The following ZFAT variants were observed in gnomAD, a reference collection of about 807,000 sequenced individuals.
ZFAT encodes zinc finger and AT-hook domain containing.
ZFAT carries 64 observed loss-of-function variants against 117.7 expected under a neutral mutation model. The observed-to-expected ratio is 0.54, with a 90% confidence interval of 0.44 to 0.67. ZFAT has a LOEUF of 0.67. Ranked by LOEUF, ZFAT falls within the 30% of genes least tolerant of loss-of-function variation. ZFAT has a pLI of 0.00. For synonymous variants in ZFAT, 679 were observed against 615.0 expected, an observed-to-expected ratio of 1.10 and a Z score of -1.54; for missense variants, 1,433 against 1,584.5, an observed-to-expected ratio of 0.90 and a Z score of 1.62.
chr8:134,694,142 G>A (rs368315839), intron 1 of ZFAT, among the ~76,000 whole-genome samples: 67 of 152,294 alleles, frequency 4.4e-4, no homozygotes, highest in Middle Eastern at 6.8e-3. Flanking sequence ...ACGCTGGAAC[G>A]CGGGGCGCAG....
intron 14 of ZFAT, chr8:134,510,905 A>G (rs1306805676): frequency 5.3e-5 from 8 of 152,076 alleles, no homozygotes; most frequent in Non-Finnish European, 1.2e-4. Context: ...CCATGTCAGG[A>G]GTGCAATTAG....
At chr8:134,719,284 AACTT>A in the ZFAT span, among the ~76,000 whole-genome samples, 1 of 152,348 alleles carries the variant, frequency 6.6e-6, no homozygotes, top group Non-Finnish European at 1.5e-5. Context: ...GACTTTGGAC[AACTT>A]ACTTATCTGC....
chr8:134,564,556 C>A (rs879935339), intron 11 of ZFAT, among the ~76,000 whole-genome samples: 10 of 152,232 alleles, frequency 6.6e-5, no homozygotes, highest in Non-Finnish European at 1.2e-4. Flanking sequence ...CCCTGCAGTC[C>A]CTCCCATGTT....
At chr8:134,733,952 G>T in the ZFAT span, among the ~76,000 whole-genome samples, 1 of 152,184 alleles carries the variant, frequency 6.6e-6, no homozygotes, top group Admixed American at 6.5e-5. Flanking sequence ...AAGCACAGAG[G>T]CCTAACAAAC....
the ZFAT span, among the ~76,000 whole-genome samples, chr8:134,777,018 G>A: frequency 7.9e-5 from 12 of 152,224 alleles, no homozygotes; most frequent in East Asian, 1.7e-3. Flanking sequence ...TTAAGGATGC[G>A]GTAGAAAGAG....
intron 1 of ZFAT, among the ~76,000 whole-genome samples, chr8:134,661,529 C>T (rs1831932254): frequency 6.6e-6 from 1 of 152,248 alleles, no homozygotes; most frequent in Non-Finnish European, 1.5e-5. Context: ...TTGGAAACAG[C>T]ATCTGGCTAG....
rs772484150 is a variant in ZFAT at position 134,602,882 on chromosome 8, G to C, written c.837C>G (p.Val279=). The C allele has an allele frequency of 6.2e-7, 1 of 1,613,990 alleles. No homozygotes were observed. Among genetic ancestry groups the C allele is most frequent in the Non-Finnish European group, 8.5e-7 (1 of 1,179,946 alleles). The change falls in exon 6 of 16, where the codon GTC becomes GTG. Residue 279 remains valine (V), a synonymous_variant. Coordinates refer to ENST00000377838, the MANE Select transcript of ZFAT (RefSeq NM_020863.4). The part of the protein sequence containing the change: ...KIFTCEYCNK[V]FKFKHSLQAH... ...CCTGCAGCGAGTGCTTGAACTTGAA[G>C]ACCTTGTTGCAGTATTCACAAGTGA...
At chr8:134,755,665 G>T in the ZFAT span, among the ~76,000 whole-genome samples, 2 of 150,960 alleles carry the variant, frequency 1.3e-5, no homozygotes, top group African/African-American at 2.4e-5. Flanking sequence ...TACAAAAATT[G>T]TCTGGGTGTG....
intron 11 of ZFAT, among the ~76,000 whole-genome samples, chr8:134,550,146 C>T (rs1373240806): frequency 1.3e-5 from 2 of 151,930 alleles, no homozygotes; most frequent in African/African-American, 4.8e-5. Flanking sequence ...GTCTATAATC[C>T]AAGTCTTCCT....
chr8:134,637,483 C>T lies in ZFAT; in HGVS notation c.426G>A (p.Leu142=). The part of the protein sequence containing the change: ...RKHICIIVLN[L]GEEEGEAGNE... ...TACCTGCTTCTCCTTCCTCCTCACC[C>T]AAATTCAGCACGATAATGCAGATGT... The change falls in exon 3 of 16, where the codon TTG becomes TTA. Residue 142 remains leucine (L), a synonymous_variant. Coordinates refer to ENST00000377838, the MANE Select transcript of ZFAT (RefSeq NM_020863.4). The T allele has an allele frequency of 6.2e-7, 1 of 1,610,378 alleles. No homozygotes were observed. Among genetic ancestry groups the T allele is most frequent in the African/African-American group, 1.3e-5 (1 of 74,998 alleles).
chr8:134,696,523 C>G, intron 1 of ZFAT: 1 of 978,644 alleles, frequency 1.0e-6, no homozygotes, highest in Non-Finnish European at 1.2e-6. Flanking sequence ...ACCGCCTCTC[C>G]ATCTACACCC....
intron 15 of ZFAT, among the ~76,000 whole-genome samples, chr8:134,490,242 G>A (rs78007619): frequency 0.015 from 2,359 of 152,292 alleles, 58 homozygotes; most frequent in African/African-American, 0.053. Context: ...GGGGTTTGAG[G>A]TGACACCAAG....
chr8:134,699,366 A>C (rs937301160), intron 1 of ZFAT, among the ~76,000 whole-genome samples: 1 of 152,218 alleles, frequency 6.6e-6, no homozygotes, highest in African/African-American at 2.4e-5. Flanking sequence ...GCCTGCAGGT[A>C]TAAAGACCTG....
chr8:134,588,501 C>A (rs149370251), intron 8 of ZFAT, 106 bp from the exon 9 acceptor site: 1 of 1,241,420 alleles, frequency 8.1e-7, no homozygotes, highest in South Asian at 1.7e-5. Context: ...TCAAGGTGTG[C>A]CTCATGGTGT....
chr8:134,529,142 C>A (rs901499132), intron 12 of ZFAT, among the ~76,000 whole-genome samples: 8 of 152,142 alleles, frequency 5.3e-5, no homozygotes, highest in African/African-American at 1.4e-4. Context: ...AAAATCCCGG[C>A]CCAGGTCCAT....
At chr8:134,497,990 C>T (rs1194762097) in intron 15 of ZFAT, among the ~76,000 whole-genome samples, 1 of 138,364 alleles carries the variant, frequency 7.2e-6, no homozygotes. Flanking sequence ...GATGCCCCCG[C>T]TGCTGGTTAC....
intron 2 of ZFAT, among the ~76,000 whole-genome samples, chr8:134,649,919 G>A (rs796819608): frequency 1.6e-4 from 25 of 152,104 alleles, no homozygotes; most frequent in African/African-American, 4.8e-4. Flanking sequence ...CCCCCATGCC[G>A]TTCTCGTGAT....
chr8:134,524,592 C>T (rs1404004876), intron 12 of ZFAT, among the ~76,000 whole-genome samples: 1 of 152,114 alleles, frequency 6.6e-6, no homozygotes, highest in Non-Finnish European at 1.5e-5. Context: ...CTGGGGGGTG[C>T]CCAGGGCATC....
chr8:134,591,590 C>G (rs1826505322), intron 7 of ZFAT, among the ~76,000 whole-genome samples: 1 of 152,152 alleles, frequency 6.6e-6, no homozygotes, highest in Non-Finnish European at 1.5e-5. Flanking sequence ...AGAATGTGAC[C>G]TTATTTGGAG....
Sources: allele counts gnomAD v4.1 joint callset (sites outside exome capture counted in the v4.1 genomes callset), GRCh38; gene constraint gnomAD v4.1.1; transcripts MANE v1.5; gene names NCBI Gene and HGNC (gene_info 2026-07-23, HGNC 2026-07-21).